SAMD12: variants seen among roughly 807,000 people sequenced by gnomAD.
SAMD12 encodes sterile alpha motif domain containing 12.
In SAMD12, 9 loss-of-function variants were observed where a neutral mutation model predicts 15.0. That is an observed-to-expected ratio of 0.60 (90% CI 0.36 to 1.05). The LOEUF is 1.05. SAMD12 is among the 50% of genes least tolerant of loss of function. The pLI, the probability that SAMD12 is intolerant of heterozygous loss-of-function variation, is 0.01. For synonymous variants in SAMD12, 86 were observed against 90.1 expected, an observed-to-expected ratio of 0.96 and a Z score of 0.25; for missense variants, 230 against 234.2, an observed-to-expected ratio of 0.98 and a Z score of 0.12.
exon 5 of SAMD12, chr8:118,196,426 G>A (rs1169126673): frequency 6.6e-6 from 1 of 152,044 alleles, no homozygotes; most frequent in African/African-American, 2.4e-5. Flanking sequence ...ATATGAACAT[G>A]TCTCTAATGC....
the SAMD12 span, among the ~76,000 whole-genome samples, chr8:118,154,478 C>T: frequency 1.7e-4 from 26 of 152,150 alleles, no homozygotes; most frequent in African/African-American, 2.7e-4. Context: ...GTTATCATAA[C>T]GCAGATCTCA....
At chr8:118,204,732 C>T (rs549164812) in intron 4 of SAMD12, among the ~76,000 whole-genome samples, 3 of 151,388 alleles carry the variant, frequency 2.0e-5, no homozygotes, top group Non-Finnish European at 2.9e-5. Context: ...CCAGCCTAGG[C>T]GACAGAGCGA....
the SAMD12 span, among the ~76,000 whole-genome samples, chr8:118,149,092 AC>A: frequency 1.9e-4 from 29 of 152,324 alleles, no homozygotes; most frequent in African/African-American, 6.0e-4. Flanking sequence ...TGTATGCTTA[AC>A]TTTTTTGTTT....
chr8:118,451,682 T>G (rs1024870182), intron 2 of SAMD12, among the ~76,000 whole-genome samples: 24 of 152,284 alleles, frequency 1.6e-4, no homozygotes, highest in Admixed American at 3.3e-4. Context: ...TAGAAAATAT[T>G]GCTGCAATTG....
chr8:118,231,173 T>C (rs747470563), intron 4 of SAMD12, among the ~76,000 whole-genome samples: 16 of 152,078 alleles, frequency 1.1e-4, no homozygotes, highest in Non-Finnish European at 2.4e-4. Context: ...ACAGAGTAGA[T>C]GATAAAATAT....
chr8:118,620,126 G>T (rs560299551), intron 1 of SAMD12, among the ~76,000 whole-genome samples: 12 of 152,044 alleles, frequency 7.9e-5, no homozygotes, highest in Non-Finnish European at 1.8e-4. Context: ...CACCCATCAC[G>T]CAAGAAATAA....
At chr8:118,518,728 C>A (rs970739167) in intron 2 of SAMD12, among the ~76,000 whole-genome samples, 1 of 152,168 alleles carries the variant, frequency 6.6e-6, no homozygotes, top group Non-Finnish European at 1.5e-5. Context: ...TCATGCTGAG[C>A]ACCTCTGACC....
intron 3 of SAMD12, among the ~76,000 whole-genome samples, chr8:118,419,087 C>T (rs1486063367): frequency 6.6e-6 from 1 of 151,990 alleles, no homozygotes; most frequent in African/African-American, 2.4e-5. Context: ...AAAGTCTTCC[C>T]CTCTAGTTTG....
chr8:118,193,825 A>G (rs1819477981), exon 5 of SAMD12: 1 of 152,220 alleles, frequency 6.6e-6, no homozygotes, highest in Non-Finnish European at 1.5e-5. Context: ...GGAGGGGTGA[A>G]TGAAAACAGC....
At chr8:118,156,860 C>T in the SAMD12 span, among the ~76,000 whole-genome samples, 1 of 152,004 alleles carries the variant, frequency 6.6e-6, no homozygotes, top group Non-Finnish European at 1.5e-5. Flanking sequence ...GTCAGATGCT[C>T]TTTGCAGTTA....
chr8:118,412,215 C>G (rs1821446010), intron 3 of SAMD12, among the ~76,000 whole-genome samples: 1 of 152,140 alleles, frequency 6.6e-6, no homozygotes. Flanking sequence ...TGTGGTTAAC[C>G]TATGCCTATT....
At chr8:118,289,214 C>T (rs929215549) in intron 4 of SAMD12, among the ~76,000 whole-genome samples, 5 of 152,178 alleles carry the variant, frequency 3.3e-5, no homozygotes, top group African/African-American at 1.2e-4. Context: ...CTGGGGATGT[C>T]ACACAGCAAA....
intron 1 of SAMD12, among the ~76,000 whole-genome samples, chr8:118,603,726 A>G (rs1018219809): frequency 2.0e-5 from 3 of 152,198 alleles, no homozygotes; most frequent in Non-Finnish European, 4.4e-5. Context: ...AAGCAAATCC[A>G]AAGGCAGCAG....
intron 2 of SAMD12, among the ~76,000 whole-genome samples, chr8:118,504,338 C>A (rs1417573410): frequency 6.6e-6 from 1 of 152,178 alleles, no homozygotes; most frequent in African/African-American, 2.4e-5. Context: ...ACATAAAGTG[C>A]AAGGTCCATC....
chr8:118,151,921 C>A, the SAMD12 span, among the ~76,000 whole-genome samples: 3 of 151,700 alleles, frequency 2.0e-5, no homozygotes, highest in Admixed American at 6.6e-5. Flanking sequence ...GCTGGGATAT[C>A]CAAGTGGAGT....
At chr8:118,554,415 C>T (rs1452180788) in intron 2 of SAMD12, among the ~76,000 whole-genome samples, 1 of 151,800 alleles carries the variant, frequency 6.6e-6, no homozygotes, top group African/African-American at 2.4e-5. Flanking sequence ...TCATCATTCT[C>T]AGTAAACTAT....
chr8:118,393,360 T>C (rs1034729568), intron 3 of SAMD12, among the ~76,000 whole-genome samples: 33 of 149,872 alleles, frequency 2.2e-4, no homozygotes, highest in Non-Finnish European at 1.6e-4. Context: ...GCCGGCTAGG[T>C]GTTTGTTTTA....
chr8:118,535,753 C>T (rs573948812), intron 2 of SAMD12, among the ~76,000 whole-genome samples: 1 of 152,358 alleles, frequency 6.6e-6, no homozygotes, highest in East Asian at 1.9e-4. Flanking sequence ...GAGCCAGGTG[C>T]AGGATATCAT....
intron 4 of SAMD12, among the ~76,000 whole-genome samples, chr8:118,315,983 C>A (rs548514850): frequency 6.6e-6 from 1 of 152,182 alleles, no homozygotes; most frequent in South Asian, 2.1e-4. Flanking sequence ...CTTGAAATGC[C>A]GGAGAAGGGA....
Sources: gnomAD v4.1 joint callset for allele counts (sites outside exome capture counted in the v4.1 genomes callset) on GRCh38, gnomAD v4.1.1 for gene constraint, MANE v1.5 for transcripts, NCBI Gene and HGNC (gene_info 2026-07-23, HGNC 2026-07-21) for gene names.